AHCYL2: variants seen among roughly 807,000 people sequenced by gnomAD.
AHCYL2 encodes the protein adenosylhomocysteinase like 2.
A neutral mutation model predicts 81.4 loss-of-function variants in AHCYL2; 28 were observed. That is an observed-to-expected ratio of 0.34 (90% CI 0.25 to 0.47). The LOEUF (loss-of-function observed/expected upper bound fraction) is 0.47, where lower values mean the gene tolerates loss of function less well. Among genes scored for constraint, AHCYL2 ranks in the 20% least tolerant of loss-of-function variants. The pLI is 1.00. For missense variants in AHCYL2, 551 were observed against 785.1 expected, an observed-to-expected ratio of 0.70 and a Z score of 3.56; for synonymous variants, 272 against 290.2, an observed-to-expected ratio of 0.94 and a Z score of 0.64.
chr7:129,246,548 A>T (rs1795064747), intron 1 of AHCYL2, among the ~76,000 whole-genome samples: 1 of 152,110 alleles, frequency 6.6e-6, no homozygotes, highest in African/African-American at 2.4e-5. Flanking sequence ...CTCTGGCTGG[A>T]GTGCCATGCT....
chr7:129,424,860 C>G lies in AHCYL2; in HGVS notation c.1561-14C>G. 1 of 1,612,380 alleles carries G rather than the reference C, an allele frequency of 6.2e-7. No individual in the cohort carries two copies. The highest frequency in any genetic ancestry group is 8.5e-7 in the Non-Finnish European group (1 of 1,179,946). On this transcript the variant is annotated splice_polypyrimidine_tract_variant and intron_variant, in intron 13 of 16. Coordinates refer to ENST00000325006, the MANE Select transcript of AHCYL2 (RefSeq NM_015328.4). Reference sequence around the variant, plus strand: ...TTGTCCTAATCCATTTGTGTCTTCACCTTTGATCACTAGGGCCGCCTGCTG... The same window carrying G: ...TTGTCCTAATCCATTTGTGTCTTCAGCTTTGATCACTAGGGCCGCCTGCTG...
chr7:129,274,174 C>A (rs1254088555), intron 1 of AHCYL2, among the ~76,000 whole-genome samples: 2 of 152,140 alleles, frequency 1.3e-5, no homozygotes, highest in Non-Finnish European at 2.9e-5. Flanking sequence ...CCTTTTTCCT[C>A]ACATTTTGAA....
chr7:129,375,742 C>A, intron 1 of AHCYL2: 2 of 1,480,832 alleles, frequency 1.4e-6, no homozygotes, highest in East Asian at 2.5e-5. Flanking sequence ...GAAGAGTAGT[C>A]CCCCACTCCC....
At chr7:129,275,244 A>G (rs950213274) in intron 1 of AHCYL2, among the ~76,000 whole-genome samples, 2 of 151,946 alleles carry the variant, frequency 1.3e-5, no homozygotes, top group African/African-American at 2.4e-5. Context: ...TTAGCCAGGC[A>G]TGGTGGTGTG....
chr7:129,338,106 A>G (rs1365650585), intron 1 of AHCYL2, among the ~76,000 whole-genome samples: 1 of 152,076 alleles, frequency 6.6e-6, no homozygotes, highest in Non-Finnish European at 1.5e-5. Flanking sequence ...ATGGGGAAGT[A>G]TATCTGTGGG....
At chr7:129,365,640 A>ATATATATATATATATATATATATGGG (rs1794086247) in intron 1 of AHCYL2, among the ~76,000 whole-genome samples, 1 of 149,130 alleles carries the variant, frequency 6.7e-6, no homozygotes, top group South Asian at 2.2e-4. Flanking sequence ...ATATATATAT[A>ATATATATATATATATATATATATGGG]TATATGGGTA....
At position 129,427,214 on chromosome 7, in the gene AHCYL2, G is replaced by A. The variant is rs914166286; in HGVS notation, c.*169G>A. ...TAAAATCAAGAATCCTGTGCCTGTA[G>A]TGTTGGCCCAGAGTGTGGTTACTGC... On this transcript the variant is annotated 3_prime_UTR_variant, in exon 17 of 17. Coordinates refer to ENST00000325006, the MANE Select transcript of AHCYL2 (RefSeq NM_015328.4). The surrounding 1 kb of genome is among the most constrained non-coding windows in gnomAD (Gnocchi z 5.5). The A allele has an allele frequency of 1.3e-5, 9 of 672,992 alleles. No homozygotes were observed. The highest frequency in any genetic ancestry group is 4.2e-5 in the South Asian group (2 of 47,920). The allele number at this position is 672,992 out of a possible 1,614,324, so 41.7% of individuals were successfully genotyped here.
rs1263608988 is a variant in AHCYL2 at position 129,276,332 on chromosome 7, G to GA, written c.363+50901dup. 7.4e-5 allele frequency among the ~76,000 whole-genome samples: 11 copies of GA among 149,256 alleles called. No homozygotes were observed. The South Asian group carries it at 1.1e-3, about 14-fold the overall frequency. On this transcript the variant is annotated intron_variant, in intron 1 of 16. Transcript: ENST00000325006. ...TTTACAGCCTTACATGCTTATATTA[G>GA]AAAAAAAACAGAGTTCATTATTTAT... is the stretch of plus-strand genomic sequence containing the variant.
At chr7:129,276,873 T>A (rs1366472252) in intron 1 of AHCYL2, among the ~76,000 whole-genome samples, 1 of 151,612 alleles carries the variant, frequency 6.6e-6, no homozygotes, top group East Asian at 1.9e-4. Flanking sequence ...AAGATACAGA[T>A]ACCACTAAGA....
intron 1 of AHCYL2, among the ~76,000 whole-genome samples, chr7:129,243,941 T>C (rs1235137058): frequency 6.6e-6 from 1 of 152,022 alleles, no homozygotes; most frequent in Non-Finnish European, 1.5e-5. Flanking sequence ...TTATATGGTA[T>C]GAGATAGTGA....
At chr7:129,364,091 G>A (rs993735986) in intron 1 of AHCYL2, among the ~76,000 whole-genome samples, 6 of 151,740 alleles carry the variant, frequency 4.0e-5, no homozygotes, top group Non-Finnish European at 7.4e-5. Flanking sequence ...ATTCAAAAAT[G>A]TGCCAGGTGT....
At chr7:129,279,525 C>A (rs903804126) in intron 1 of AHCYL2, among the ~76,000 whole-genome samples, 1 of 152,150 alleles carries the variant, frequency 6.6e-6, no homozygotes, top group Non-Finnish European at 1.5e-5. Context: ...CTAATCTAGA[C>A]CCCAAGAGAG....
chr7:129,228,014 C>T (rs1378583433), intron 1 of AHCYL2, among the ~76,000 whole-genome samples: 2 of 152,170 alleles, frequency 1.3e-5, no homozygotes, highest in Non-Finnish European at 2.9e-5. Context: ...TGAAAGTCAT[C>T]TCACCAAGGA....
chr7:129,283,125 T>C (rs1796507461), intron 1 of AHCYL2, among the ~76,000 whole-genome samples: 1 of 152,140 alleles, frequency 6.6e-6, no homozygotes, highest in Non-Finnish European at 1.5e-5. Context: ...CTCCAGGTGC[T>C]CCCAGCATGC....
At chr7:129,337,698 C>T (rs1175044321) in intron 1 of AHCYL2, among the ~76,000 whole-genome samples, 2 of 152,062 alleles carry the variant, frequency 1.3e-5, no homozygotes, top group African/African-American at 2.4e-5. Context: ...TGTGCCCGTC[C>T]ATGCCATAAT....
intron 1 of AHCYL2, among the ~76,000 whole-genome samples, chr7:129,241,262 GCA>G (rs1794842403): frequency 6.6e-6 from 1 of 152,260 alleles, no homozygotes; most frequent in East Asian, 1.9e-4. Flanking sequence ...TTGTTGCCTG[GCA>G]CACGTATATG....
chr7:129,284,085 G>C (rs923222470), intron 1 of AHCYL2, among the ~76,000 whole-genome samples: 1 of 152,116 alleles, frequency 6.6e-6, no homozygotes, highest in Non-Finnish European at 1.5e-5. Context: ...GGACTTCCTG[G>C]GGTAGGAAGA....
chr7:129,225,418 G>A lies in AHCYL2; in HGVS notation c.342G>A (p.Glu114=), dbSNP rs769978835. ...TCAGCCCCGACGGCACCGTCACCGA[G>A]GCGCCGCGCACAGTCAAGAAGGTAC... ...ALVSPDGTVT[E]APRTVKKQIQ... The change falls in exon 1 of 17, where the codon GAG becomes GAA. Residue 114 remains glutamate, a synonymous_variant. Transcript: ENST00000325006. The A allele has an allele frequency of 5.2e-5, 79 of 1,515,932 alleles. 1 individual carries two copies. In the South Asian group the frequency reaches 8.6e-4, roughly 17 times the overall value. 93.9% of individuals were successfully genotyped at this position (1,515,932 alleles called of 1,614,324 possible).
intron 1 of AHCYL2, among the ~76,000 whole-genome samples, chr7:129,277,639 A>G (rs533123732): frequency 2.6e-5 from 4 of 152,228 alleles, no homozygotes; most frequent in Admixed American, 2.6e-4. Context: ...TTCATATAAT[A>G]ATAGAGTCTG....
Sources: allele counts gnomAD v4.1 joint callset (sites outside exome capture counted in the v4.1 genomes callset), GRCh38; gene constraint gnomAD v4.1.1; non-coding constraint Gnocchi (gnomAD v3.1); transcripts MANE v1.5; gene names NCBI Gene and HGNC (gene_info 2026-07-23, HGNC 2026-07-21).